SCARF1: variants seen among roughly 807,000 people sequenced by gnomAD.
The protein encoded by SCARF1 is acetyl LDL receptor.
A neutral mutation model predicts 76.3 loss-of-function variants in SCARF1; 49 were observed. The ratio of observed to expected loss-of-function variants is 0.64; its 90% CI spans 0.51 to 0.81. SCARF1 has a LOEUF of 0.81. Ranked by LOEUF, SCARF1 falls within the 40% of genes least tolerant of loss-of-function variation. SCARF1 has a pLI of 0.00. For missense variants in SCARF1, 1,098 were observed against 1,143.9 expected (o/e 0.96, Z 0.58); for synonymous variants, 495 against 474.6 (o/e 1.04, Z -0.56).
rs1414053093 is a variant in SCARF1, at chr17:1,640,443, C to G, written c.1010+5G>C. The G allele has an allele frequency of 1.3e-6, 2 of 1,550,280 alleles. No individual in the cohort carries two copies. Among genetic ancestry groups the G allele is most frequent in the African/African-American group, 1.4e-5 (1 of 73,054 alleles). On this transcript the variant is annotated splice_donor_5th_base_variant and intron_variant, in intron 5 of 10. Transcript: ENST00000263071. This position sits in a 1 kb window ranked among gnomAD's most constrained non-coding sequence, Gnocchi z 4.7. ...ACCCCACCCTGAACAGAATGGTGCCCTCACCTGGGCCCCAGCCAGCCAGGG... is the reference window on the plus strand; with the variant it reads ...ACCCCACCCTGAACAGAATGGTGCCGTCACCTGGGCCCCAGCCAGCCAGGG...
At position 1,643,634 on chromosome 17, in the gene SCARF1, G is replaced by A; in HGVS notation, c.599C>T (p.Pro200Leu). 2 of 1,471,580 alleles carry A rather than the reference G, an allele frequency of 1.4e-6. No homozygotes were observed. Among genetic ancestry groups the A allele is most frequent in the Admixed American group, 2.4e-5 (1 of 41,446 alleles). The allele number at this position is 1,471,580 out of a possible 1,614,324, so 91.2% of individuals were successfully genotyped here. A position where few individuals can be genotyped will look rare whatever the true frequency, so the allele number is the denominator to read the frequency against. Residue 200 changes from proline (P) to leucine (L), a missense_variant, in exon 4 of 11, where the codon CCG becomes CTG. Coordinates refer to ENST00000263071, the MANE Select transcript of SCARF1 (RefSeq NM_003693.4). ...GCAGCGGCCGGAGTCCTGCTCGCAC[G>A]GGGAGCCGTGGCAGTTGCAGCGGAA... is the stretch of plus-strand genomic sequence containing the variant. ...CSFRCNCHGS[P>L]CEQDSGRCAC...
rs1910285548 is a variant in SCARF1 at position 1,643,672 on chromosome 17, C to T, written c.561G>A (p.Gly187=). The T allele has an allele frequency of 2.1e-6, 3 of 1,463,278 alleles. No homozygotes were observed. The highest frequency in any genetic ancestry group is 2.7e-6 in the Non-Finnish European group (3 of 1,114,866). 90.6% of individuals were successfully genotyped at this position (1,463,278 alleles called of 1,614,324 possible). The change falls in exon 4 of 11, where the codon GGG becomes GGA. Residue 187 remains glycine, a synonymous_variant. Coordinates refer to ENST00000263071, the MANE Select transcript of SCARF1 (RefSeq NM_003693.4). The part of the protein sequence containing the change: ...GACVCKPGWW[G]RRCSFRCNCH... Reference sequence around the variant, plus strand: ...AGTTGCAGCGGAAGCTGCAGCGGCGCCCCCACCAGCCCGGCTTGCACACGC... The same window carrying T: ...AGTTGCAGCGGAAGCTGCAGCGGCGTCCCCACCAGCCCGGCTTGCACACGC...
rs764709175 is a variant in SCARF1 at position 1,635,275 on chromosome 17, C to T, written c.1976G>A (p.Gly659Asp). 20 of 1,611,876 alleles carry T rather than the reference C, an allele frequency of 1.2e-5. No individual in the cohort carries two copies. The East Asian group carries it at 4.5e-4, about 36-fold the overall frequency. ...AAASPGDSAT[G>D]HRRPPLGGRT... ...GCCACCAAGTGGGGGCCGCCGGTGG[C>T]CAGTGGCTGAATCCCCGGGACTGGC... Residue 659 changes from glycine to aspartate, a missense_variant, in exon 11 of 11, where the codon GGC becomes GAC. Gly to Asp is a moderately conservative substitution (Grantham distance 94). Transcript: ENST00000263071.
Position 1,636,833 on chromosome 17 carries a change from G to C in SCARF1, c.1509C>G (p.Val503=), listed in dbSNP as rs1302024958. The C allele has an allele frequency of 6.2e-7, 1 of 1,614,056 alleles. No individual in the cohort carries two copies. The highest frequency in any genetic ancestry group is 2.2e-5 in the East Asian group (1 of 44,870). Reference sequence around the variant, plus strand: ...GCTCGATGAAGCTGTGGTTGAAGGGGACCTCCGGGTCGTGATGTGAGACTG... The same window carrying C: ...GCTCGATGAAGCTGTGGTTGAAGGGCACCTCCGGGTCGTGATGTGAGACTG... ...WVTVSHHDPE[V]PFNHSFIEPP... is the part of the protein sequence containing the mutation. Residue 503 remains valine (V), a synonymous_variant, in exon 10 of 11, where the codon GTC becomes GTG. Transcript: ENST00000263071.
At chr17:1,641,159 G>A (rs900920022) in intron 4 of SCARF1, among the ~76,000 whole-genome samples, 13 of 152,338 alleles carry the variant, frequency 8.5e-5, no homozygotes, top group African/African-American at 2.4e-4. Context: ...GTACTAGTCC[G>A]TGGCATGTTA....
In SCARF1 at chr17:1,636,926, C is replaced by T. The variant is rs374484419; in HGVS notation, c.1486+15G>A. 4.2e-5 allele frequency: 67 copies of T among 1,613,974 alleles called. No homozygotes were observed. The highest frequency in any genetic ancestry group is 5.3e-5 in the Non-Finnish European group (63 of 1,180,012). ...CCTGTCCAATCCCAGACCCCGGCCC[C>T]CAGCGCCCACTGACCTGTCACCCAG... On this transcript the variant is annotated intron_variant, in intron 9 of 10. Coordinates refer to ENST00000263071, the MANE Select transcript of SCARF1 (RefSeq NM_003693.4).
Position 1,645,346 on chromosome 17 carries a change from C to G in SCARF1, c.102-107G>C. On this transcript the variant is annotated intron_variant, in intron 1 of 10. Transcript: ENST00000263071. The surrounding 1 kb of genome is among the most constrained non-coding windows in gnomAD (Gnocchi z 6.3). The stretch of plus-strand genomic sequence containing the variant: ...CAGTGGGGGAGGCTGCCTTAGCCCC[C>G]TGGGGAGGCCTAATGGATCTTTACA... 3 of 1,455,862 alleles carry G rather than the reference C, an allele frequency of 2.1e-6. No individual in the cohort carries two copies. The highest frequency in any genetic ancestry group is 2.8e-6 in the Non-Finnish European group (3 of 1,071,542). The allele number at this position is 1,455,862 out of a possible 1,614,324, so 90.2% of individuals were successfully genotyped here. A position where few individuals can be genotyped will look rare whatever the true frequency, so the allele number is the denominator to read the frequency against.
At chr17:1,642,828 A>C (rs1206909105) in intron 4 of SCARF1, among the ~76,000 whole-genome samples, 1 of 152,146 alleles carries the variant, frequency 6.6e-6, no homozygotes, top group Non-Finnish European at 1.5e-5. Flanking sequence ...CTCCTGTCTC[A>C]GCCTACCGAA....
In SCARF1 at chr17:1,635,388, C is replaced by CG; in HGVS notation, c.1862_1863insC (p.Ala623GlyfsTer6). 1 of 1,613,616 alleles carries CG rather than the reference C, an allele frequency of 6.2e-7. No homozygotes were observed. The highest frequency in any genetic ancestry group is 8.5e-7 in the Non-Finnish European group (1 of 1,179,680). ...GGCCCTCAGGACCCGACTGCGCCCC[C>CG]CGGGAGAGCCTCTTGGGCTTTCGGA... On this transcript the variant is annotated frameshift_variant, in exon 11 of 11. Transcript: ENST00000263071. LOFTEE classifies it low-confidence loss of function (END_TRUNC).
chr17:1,635,234 G>A lies in SCARF1; in HGVS notation c.2017C>T (p.His673Tyr), dbSNP rs1909437657. 1.2e-6 allele frequency: 2 copies of A among 1,612,180 alleles called. No individual in the cohort carries two copies. Among genetic ancestry groups the A allele is most frequent in the South Asian group, 1.1e-5 (1 of 91,062 alleles). The change falls in exon 11 of 11, where the codon CAC becomes TAC. Residue 673 changes from histidine to tyrosine, a missense_variant. By Grantham distance (83) the His-to-Tyr change is moderately conservative. Transcript: ENST00000263071. ...ACGCTGCCCTCAATGGCTTCCACGT[G>A]CTCAGCCACTGTCCGGCCACCAAGT... ...PPLGGRTVAE[H>Y]VEAIEGSVQE... is the part of the protein sequence containing the mutation.
chr17:1,635,267 G>C lies in SCARF1; in HGVS notation c.1984C>G (p.Arg662Gly). 1 of 1,611,698 alleles carries C rather than the reference G, an allele frequency of 6.2e-7. No homozygotes were observed. The highest frequency in any genetic ancestry group is 8.5e-7 in the Non-Finnish European group (1 of 1,178,972). The change falls in exon 11 of 11, where the codon CGG (arginine) becomes GGG (glycine). Residue 662 changes from arginine (R) to glycine (G), a missense_variant. Physicochemically the swap from Arg to Gly is moderately radical, Grantham distance 125. Coordinates refer to ENST00000263071, the MANE Select transcript of SCARF1 (RefSeq NM_003693.4). ...ACTGTCCGGCCACCAAGTGGGGGCC[G>C]CCGGTGGCCAGTGGCTGAATCCCCG... is the stretch of plus-strand genomic sequence containing the variant. Reference protein sequence around the residue: ...SPGDSATGHRRPPLGGRTVAE... With the variant: ...SPGDSATGHRGPPLGGRTVAE...
intron 8 of SCARF1, among the ~76,000 whole-genome samples, chr17:1,637,328 CTAT>C (rs1469478387): frequency 6.2e-4 from 26 of 41,694 alleles, no homozygotes; most frequent in Non-Finnish European, 1.5e-3. Flanking sequence ...AAAACAGATC[CTAT>C]CTATCTATCT....
At chr17:1,639,800 G>C in intron 6 of SCARF1, 58 bp from the exon 7 acceptor site, 1 of 1,607,002 alleles carries the variant, frequency 6.2e-7, no homozygotes, top group Non-Finnish European at 8.5e-7. Flanking sequence ...GAGGCAGGCA[G>C]GAGACGGGCA....
chr17:1,636,359 G>A (rs1909559004), intron 10 of SCARF1, among the ~76,000 whole-genome samples: 1 of 152,222 alleles, frequency 6.6e-6, no homozygotes. Context: ...TGCTGGCCAG[G>A]CGCAGTGGCT....
rs907547334 is a variant in SCARF1, at chr17:1,643,552, C to T, written c.681G>A (p.Arg227=). 1.4e-6 allele frequency: 2 copies of T among 1,454,534 alleles called. No individual in the cohort carries two copies. Among genetic ancestry groups the T allele is most frequent in the African/African-American group, 1.5e-5 (1 of 67,466 alleles). The allele number at this position is 1,454,534 out of a possible 1,614,324, so 90.1% of individuals were successfully genotyped here. ...PECQQQCECV[R]GRCSAASGEC... The stretch of plus-strand genomic sequence containing the variant: ...CGCCGGAGGCGGCGCTGCAGCGGCC[C>T]CGCACACACTCGCACTGCTGCTGGC... Residue 227 remains arginine (R), a synonymous_variant, in exon 4 of 11, where the codon CGG becomes CGA. Coordinates refer to ENST00000263071, the MANE Select transcript of SCARF1 (RefSeq NM_003693.4).
intron 4 of SCARF1, 43 bp downstream of exon 4, chr17:1,643,399 C>T (rs1910245790): frequency 8.8e-7 from 1 of 1,141,770 alleles, no homozygotes; most frequent in Non-Finnish European, 1.1e-6. Flanking sequence ...CTTGTGTCCG[C>T]CCCCGCCCCG....
chr17:1,636,979 C>G lies in SCARF1; in HGVS notation c.1448G>C (p.Cys483Ser). 2 of 1,613,994 alleles carry G rather than the reference C, an allele frequency of 1.2e-6. No individual in the cohort carries two copies. Among genetic ancestry groups the G allele is most frequent in the Non-Finnish European group, 1.7e-6 (2 of 1,180,000 alleles). The change falls in exon 9 of 11, where the codon TGC becomes TCC. Residue 483 changes from cysteine (C) to serine (S), a missense_variant. Transcript: ENST00000263071. Reference protein sequence around the residue: ...TLTSLGSTLPCRSLSSHKLPW... With the variant: ...TLTSLGSTLPSRSLSSHKLPW... ...TAGCTTGTGGGAGCTGAGGGAACGGCAGGGCAGCGTGGAGCCCAAGCTGGT... is the reference window on the plus strand; with the variant it reads ...TAGCTTGTGGGAGCTGAGGGAACGGGAGGGCAGCGTGGAGCCCAAGCTGGT...
chr17:1,636,567 C>A, intron 10 of SCARF1, 142 bp downstream of exon 10: 2 of 954,904 alleles, frequency 2.1e-6, no homozygotes, highest in Admixed American at 2.9e-5. Flanking sequence ...GAGCTGAGAT[C>A]GCACCACTGC....
chr17:1,634,495 T>C lies in SCARF1; in HGVS notation c.*263A>G. Reference sequence around the variant, plus strand: ...CACGTGAAAGAAAGAATAGCCCTTATGAGGCACACAGGGTCCAGGACAGCA... The same window carrying C: ...CACGTGAAAGAAAGAATAGCCCTTACGAGGCACACAGGGTCCAGGACAGCA... On this transcript the variant is annotated 3_prime_UTR_variant, in exon 11 of 11. Transcript: ENST00000263071. 1 of 403,182 alleles carries C rather than the reference T, an allele frequency of 2.5e-6. No homozygotes were observed. The highest frequency in any genetic ancestry group is 4.4e-6 in the Non-Finnish European group (1 of 229,174). The allele number at this position is 403,182 out of a possible 1,614,324, so 25.0% of individuals were successfully genotyped here. A position where few individuals can be genotyped will look rare whatever the true frequency, so the allele number is the denominator to read the frequency against.
Sources: allele counts gnomAD v4.1 joint callset (sites outside exome capture counted in the v4.1 genomes callset), GRCh38; gene constraint gnomAD v4.1.1; non-coding constraint Gnocchi (gnomAD v3.1); transcripts MANE v1.5; gene names NCBI Gene and HGNC (gene_info 2026-07-23, HGNC 2026-07-21).